The following THUMPD2 variants were observed in gnomAD, a reference collection of about 807,000 sequenced individuals.
THUMPD2 encodes THUMP domain 2 tRNA and snRNA guanosine methyltransferase, also known as U6 snRNA (guanine-N(2))-methyltransferase THUMPD2.
In THUMPD2, 56 loss-of-function variants were observed where a neutral mutation model predicts 49.4. The ratio of observed to expected loss-of-function variants is 1.13; its 90% CI spans 0.91 to 1.41. The LOEUF (loss-of-function observed/expected upper bound fraction) is 1.41. THUMPD2 is among the 40% of genes most tolerant of loss of function. THUMPD2 has a pLI of 0.00. For synonymous variants in THUMPD2, 237 were observed against 205.2 expected, an observed-to-expected ratio of 1.15 and a Z score of -1.32; for missense variants, 709 against 594.5, an observed-to-expected ratio of 1.19 and a Z score of -2.00.
At chr2:39,746,258 A>C (rs1387500811) in intron 8 of THUMPD2, among the ~76,000 whole-genome samples, 7 of 152,152 alleles carry the variant, frequency 4.6e-5, no homozygotes, top group Non-Finnish European at 1.0e-4. Context: ...GAGGTAGGGC[A>C]ACTACTTCCA....
In THUMPD2 at chr2:39,773,675, A is replaced by C. The variant is rs565100371; in HGVS notation, c.127-2035T>G. On this transcript the variant is annotated intron_variant, in intron 1 of 9. Transcript: ENST00000505747. ...CTGGGGCAAGTGGTTTCCAAAAAGA[A>C]CACGACTATTAAGTTAATTAAGAGG... Among the ~76,000 whole-genome samples, 80 of 149,956 alleles carry C rather than the reference A, an allele frequency of 5.3e-4. 1 individual carries two copies. Among genetic ancestry groups the C allele is most frequent in the Non-Finnish European group, 6.7e-4 (45 of 67,570 alleles).
chr2:39,755,294 C>G lies in THUMPD2; in HGVS notation c.1078+1G>C. On this transcript the variant is annotated splice_donor_variant, in intron 8 of 9. Transcript: ENST00000505747. LOFTEE classifies it high-confidence loss of function. ...ATTGTTTTGCATTTTTAGTATCTTA[C>G]CTATAACAGAGATTTTAAGTAATTC... 2.0e-6 allele frequency: 3 copies of G among 1,525,482 alleles called. No homozygotes were observed. Among genetic ancestry groups the G allele is most frequent in the Non-Finnish European group, 2.6e-6 (3 of 1,139,978 alleles). The allele number at this position is 1,525,482 out of a possible 1,614,324, so 94.5% of individuals were successfully genotyped here.
chr2:39,767,576 C>T (rs967594623), intron 4 of THUMPD2, among the ~76,000 whole-genome samples: 1 of 128,752 alleles, frequency 7.8e-6, no homozygotes, highest in Non-Finnish European at 1.5e-5. Flanking sequence ...TGCACTCCAG[C>T]CTGGGCGACA....
At chr2:39,763,674 T>A (rs1677129185) in intron 5 of THUMPD2, among the ~76,000 whole-genome samples, 1 of 152,184 alleles carries the variant, frequency 6.6e-6, no homozygotes, top group African/African-American at 2.4e-5. Context: ...CCCTTTCATT[T>A]AAAAATATAA....
chr2:39,754,947 A>G (rs1012301541), intron 8 of THUMPD2, among the ~76,000 whole-genome samples: 5 of 152,236 alleles, frequency 3.3e-5, no homozygotes, highest in Admixed American at 3.3e-4. Flanking sequence ...TTCAAAAGAA[A>G]TTCAAAGAAT....
At chr2:39,753,627 T>G (rs1445619058) in intron 8 of THUMPD2, among the ~76,000 whole-genome samples, 1 of 152,190 alleles carries the variant, frequency 6.6e-6, no homozygotes, top group Non-Finnish European at 1.5e-5. Context: ...TGATCCACCA[T>G]CCGTCTTCCC....
intron 3 of THUMPD2, chr2:39,768,708 C>T: frequency 1.5e-6 from 1 of 669,252 alleles, no homozygotes; most frequent in South Asian, 1.9e-5. Flanking sequence ...CCCAGTACAC[C>T]CCATGGCATT....
chr2:39,773,595 T>TCCCCC, intron 1 of THUMPD2, among the ~76,000 whole-genome samples: 1 of 137,114 alleles, frequency 7.3e-6, no homozygotes, highest in African/African-American at 3.0e-5. Flanking sequence ...TATATATATA[T>TCCCCC]TTATATTTTA....
intron 6 of THUMPD2, among the ~76,000 whole-genome samples, chr2:39,758,886 G>A (rs1424887342): frequency 6.6e-6 from 1 of 151,718 alleles, no homozygotes; most frequent in East Asian, 1.9e-4. Context: ...AATTACTGGA[G>A]AACACAGATC....
intron 6 of THUMPD2, among the ~76,000 whole-genome samples, chr2:39,757,658 A>G (rs1295885701): frequency 6.6e-6 from 1 of 152,212 alleles, no homozygotes; most frequent in Non-Finnish European, 1.5e-5. Flanking sequence ...TTTTCTTGCC[A>G]TGACACTTGT....
At chr2:39,760,165 T>G (rs537635692) in intron 6 of THUMPD2, among the ~76,000 whole-genome samples, 3 of 152,202 alleles carry the variant, frequency 2.0e-5, no homozygotes, top group Admixed American at 1.3e-4. Flanking sequence ...CTCCAGTAGT[T>G]GGGGCTTGGG....
chr2:39,776,026 T>G (rs1679047588), intron 1 of THUMPD2, among the ~76,000 whole-genome samples: 1 of 152,168 alleles, frequency 6.6e-6, no homozygotes. Context: ...ACTCTTCTGG[T>G]GAACTGACAT....
intron 9 of THUMPD2, among the ~76,000 whole-genome samples, chr2:39,743,659 T>A (rs1262881133): frequency 6.6e-6 from 1 of 152,128 alleles, no homozygotes; most frequent in African/African-American, 2.4e-5. Context: ...CTCCCCCTTC[T>A]CCCTCTTGCT....
At chr2:39,773,109 C>T (rs940858171) in intron 1 of THUMPD2, among the ~76,000 whole-genome samples, 1 of 152,098 alleles carries the variant, frequency 6.6e-6, no homozygotes, top group Non-Finnish European at 1.5e-5. Flanking sequence ...CCAGAACTTC[C>T]GGTTTCTAGA....
At chr2:39,744,553 G>T in intron 8 of THUMPD2, 75 bp from the exon 9 acceptor site, 1 of 946,198 alleles carries the variant, frequency 1.1e-6, no homozygotes, top group Non-Finnish European at 1.6e-6. Context: ...GAAAATTGAA[G>T]TACACAGGAT....
At chr2:39,749,250 C>A (rs1410073600) in intron 8 of THUMPD2, among the ~76,000 whole-genome samples, 3 of 152,026 alleles carry the variant, frequency 2.0e-5, no homozygotes, top group African/African-American at 4.8e-5. Flanking sequence ...CAGAAAAAAA[C>A]CCTATGAAAT....
chr2:39,771,416 T>G (rs1558538504), intron 2 of THUMPD2, 89 bp downstream of exon 2: 1 of 1,307,136 alleles, frequency 7.7e-7, no homozygotes, highest in Non-Finnish European at 1.0e-6. Context: ...AATATTAAAG[T>G]GTAAAATGGC....
At chr2:39,756,767 G>C (rs1216252508) in intron 6 of THUMPD2, among the ~76,000 whole-genome samples, 1 of 152,168 alleles carries the variant, frequency 6.6e-6, no homozygotes, top group African/African-American at 2.4e-5. Context: ...ACAAGCATCT[G>C]TGGTGCGGAG....
At chr2:39,751,933 T>C (rs1053649915) in intron 8 of THUMPD2, among the ~76,000 whole-genome samples, 5 of 152,130 alleles carry the variant, frequency 3.3e-5, no homozygotes. Flanking sequence ...CTGATCTGCC[T>C]GCCTCAGCCT....
Sources: gnomAD v4.1 joint callset for allele counts (sites outside exome capture counted in the v4.1 genomes callset) on GRCh38, gnomAD v4.1.1 for gene constraint, MANE v1.5 for transcripts, NCBI Gene and HGNC (gene_info 2026-07-23, HGNC 2026-07-21) for gene names.